PCDHA8: variants seen among roughly 807,000 people sequenced by gnomAD.
PCDHA8 encodes protocadherin alpha 8.
In PCDHA8, 53 loss-of-function variants were observed where a neutral mutation model predicts 61.8. That is an observed-to-expected ratio of 0.86 (90% confidence interval 0.69 to 1.08). PCDHA8 has a LOEUF of 1.08. Among genes scored for constraint, PCDHA8 ranks in the 50% least tolerant of loss-of-function variants. PCDHA8 has a pLI of 0.00. For missense variants in PCDHA8, 1,293 were observed against 1,245.0 expected, an observed-to-expected ratio of 1.04 and a Z score of -0.58; for synonymous variants, 618 against 556.6, an observed-to-expected ratio of 1.11 and a Z score of -1.55.
rs1554148266 is a variant in PCDHA8 at position 140,856,152 on chromosome 5, A to C, written c.2394+12437A>C. On this transcript the variant is annotated intron_variant, in intron 1 of 3. Coordinates refer to ENST00000531613, the MANE Select transcript of PCDHA8 (RefSeq NM_018911.3). ...AGCGGCCAGCTCCACTACTCAGTCT[A>C]CGAGGAGGCCAGACACGGCACCTTC... The C allele has an allele frequency of 6.3e-6, 10 of 1,598,178 alleles. 1 individual carries two copies. Among genetic ancestry groups the C allele is most frequent in the Middle Eastern group, 1.7e-4 (1 of 5,990 alleles).
intron 1 of PCDHA8, among the ~76,000 whole-genome samples, chr5:140,953,432 C>T (rs1292809968): frequency 6.6e-6 from 1 of 152,108 alleles, no homozygotes; most frequent in Non-Finnish European, 1.5e-5. Context: ...TGTCCTTAAG[C>T]TGGAGAAACT....
At chr5:140,940,194 G>T (rs1455968152) in intron 1 of PCDHA8, among the ~76,000 whole-genome samples, 4 of 152,118 alleles carry the variant, frequency 2.6e-5, no homozygotes, top group East Asian at 1.9e-4. Context: ...TTTTACATGG[G>T]TGTAAAATTC....
intron 1 of PCDHA8, among the ~76,000 whole-genome samples, chr5:140,956,666 G>T (rs1232573740): frequency 6.6e-6 from 1 of 152,088 alleles, no homozygotes; most frequent in African/African-American, 2.4e-5. Flanking sequence ...GGCCTTAAAG[G>T]AGTTAGGGAG....
At chr5:140,939,965 C>T (rs565275285) in intron 1 of PCDHA8, among the ~76,000 whole-genome samples, 1 of 152,100 alleles carries the variant, frequency 6.6e-6, no homozygotes, top group African/African-American at 2.4e-5. Context: ...TAAAGTGTTC[C>T]ACGATGAATA....
chr5:140,967,901 A>T, intron 1 of PCDHA8: 2 of 1,614,142 alleles, frequency 1.2e-6, no homozygotes, highest in African/African-American at 1.3e-5. Context: ...TGAGAATGCT[A>T]CACCCAACAC....
At chr5:140,853,149 G>T in intron 1 of PCDHA8, 1 of 844,586 alleles carries the variant, frequency 1.2e-6, no homozygotes, top group Non-Finnish European at 1.5e-6. Flanking sequence ...AAAATGCTGG[G>T]ATTACAGGCG....
intron 1 of PCDHA8, among the ~76,000 whole-genome samples, chr5:140,965,185 CAT>C (rs782612335): frequency 4.6e-5 from 7 of 152,138 alleles, no homozygotes; most frequent in Non-Finnish European, 1.0e-4. Flanking sequence ...TTTTTTTGCA[CAT>C]GAGGCAATAG....
At chr5:140,925,941 G>A (rs1311329302) in intron 1 of PCDHA8, among the ~76,000 whole-genome samples, 2 of 138,504 alleles carry the variant, frequency 1.4e-5, no homozygotes, top group South Asian at 2.1e-4. Flanking sequence ...GAGCCTCTTG[G>A]AGAAGGAGAA....
At chr5:140,968,569 C>A in intron 1 of PCDHA8, 1 of 1,614,204 alleles carries the variant, frequency 6.2e-7, no homozygotes, top group Middle Eastern at 1.7e-4. Flanking sequence ...CCCCTGCTGG[C>A]TACCTGGTCA....
chr5:140,967,310 G>A (rs2096126313), intron 1 of PCDHA8: 1 of 1,611,338 alleles, frequency 6.2e-7, no homozygotes, highest in East Asian at 2.2e-5. Context: ...CGCCAACTCA[G>A]TACAGACCTA....
chr5:140,902,622 A>C (rs1328816868), intron 1 of PCDHA8, among the ~76,000 whole-genome samples: 2 of 152,068 alleles, frequency 1.3e-5, no homozygotes, highest in Non-Finnish European at 2.9e-5. Flanking sequence ...TGGGTAAGTT[A>C]TTTAGTGGTG....
chr5:140,946,165 G>C (rs1554217364), intron 1 of PCDHA8, among the ~76,000 whole-genome samples: 1 of 151,838 alleles, frequency 6.6e-6, no homozygotes, highest in Non-Finnish European at 1.5e-5. Context: ...TTAAAAGATG[G>C]GTAAAGGATG....
intron 1 of PCDHA8, among the ~76,000 whole-genome samples, chr5:140,903,665 G>A (rs2070490056): frequency 6.6e-6 from 1 of 152,156 alleles, no homozygotes; most frequent in African/African-American, 2.4e-5. Context: ...AAATTTAACT[G>A]ATATAAAAGA....
At chr5:140,869,038 C>A in intron 1 of PCDHA8, 1 of 1,528,506 alleles carries the variant, frequency 6.5e-7, no homozygotes, top group South Asian at 1.3e-5. Context: ...GATTTTTAAC[C>A]TGAAACTGAA....
intron 1 of PCDHA8, chr5:140,862,531 C>T (rs782753899): frequency 4.6e-6 from 2 of 431,454 alleles, no homozygotes; most frequent in Non-Finnish European, 9.4e-6. Flanking sequence ...CCACAGCCAT[C>T]GGGTCCGTGG....
At chr5:140,849,842 C>A (rs2150452935) in intron 1 of PCDHA8, 1 of 1,598,534 alleles carries the variant, frequency 6.3e-7, no homozygotes, top group Non-Finnish European at 8.6e-7. Context: ...CCGACGTGAA[C>A]GACAACGCAC....
At chr5:140,983,437 A>C (rs1046174445) in intron 3 of PCDHA8, among the ~76,000 whole-genome samples, 1 of 152,202 alleles carries the variant, frequency 6.6e-6, no homozygotes, top group African/African-American at 2.4e-5. Flanking sequence ...AATTGTGTCT[A>C]CTCTAATCCT....
chr5:140,935,016 T>C (rs997789296), intron 1 of PCDHA8, among the ~76,000 whole-genome samples: 6 of 152,322 alleles, frequency 3.9e-5, no homozygotes, highest in Admixed American at 6.5e-5. Flanking sequence ...TGAGTCTTAA[T>C]AGTCTTTTGA....
At chr5:140,937,174 A>G (rs1449263512) in intron 1 of PCDHA8, among the ~76,000 whole-genome samples, 1 of 151,302 alleles carries the variant, frequency 6.6e-6, no homozygotes, top group Non-Finnish European at 1.5e-5. Flanking sequence ...AGTAGCTGGG[A>G]CTACAGGCGC....
Sources: allele counts gnomAD v4.1 joint callset (sites outside exome capture counted in the v4.1 genomes callset), GRCh38; gene constraint gnomAD v4.1.1; transcripts MANE v1.5; gene names NCBI Gene and HGNC (gene_info 2026-07-23, HGNC 2026-07-21).